The following SLC6A5 variants were observed in gnomAD, a reference collection of about 807,000 sequenced individuals.
SLC6A5 encodes sodium- and chloride-dependent glycine transporter 2.
A neutral mutation model predicts 90.5 loss-of-function variants in SLC6A5; 58 were observed. That is an observed-to-expected ratio of 0.64 (90% CI 0.52 to 0.80). The LOEUF is 0.80. Among genes scored for constraint, SLC6A5 ranks in the 30% least tolerant of loss-of-function variants. SLC6A5 has a pLI of 0.00. For missense variants in SLC6A5, 1,015 were observed against 1,017.6 expected (o/e 1.00, Z 0.03); for synonymous variants, 427 against 401.4 (o/e 1.06, Z -0.76).
intron 10 of SLC6A5, among the ~76,000 whole-genome samples, chr11:20,631,972 G>C (rs1853117433): frequency 6.6e-6 from 1 of 152,146 alleles, no homozygotes; most frequent in Non-Finnish European, 1.5e-5. Flanking sequence ...CACTTTCCAG[G>C]GGTGCAATTA....
At chr11:20,652,079 A>G (rs538161232) in intron 14 of SLC6A5, among the ~76,000 whole-genome samples, 210 of 152,302 alleles carry the variant, frequency 1.4e-3, no homozygotes, top group South Asian at 2.7e-3. Context: ...ATGGTTTGGC[A>G]AATGCAGAGT....
At chr11:20,644,551 T>G (rs1853373380) in intron 13 of SLC6A5, among the ~76,000 whole-genome samples, 1 of 152,254 alleles carries the variant, frequency 6.6e-6, no homozygotes, top group Non-Finnish European at 1.5e-5. Context: ...TTGGACATAC[T>G]GATGTCACAT....
At position 20,632,066 on chromosome 11, in the gene SLC6A5, G is replaced by A. The variant is rs1437640677; in HGVS notation, c.1624+1251G>A. On this transcript the variant is annotated intron_variant, in intron 10 of 15. Transcript: ENST00000525748. Reference sequence around the variant, plus strand: ...AAATTAGAGGGGCCCCAGGAGATAAGCAATGGCTCTCCCTGGTTGAGAATT... The same window carrying A: ...AAATTAGAGGGGCCCCAGGAGATAAACAATGGCTCTCCCTGGTTGAGAATT... Among the ~76,000 whole-genome samples the A allele has an allele frequency of 2.6e-5, 4 of 152,182 alleles. No individual in the cohort carries two copies. In the East Asian group the frequency reaches 7.7e-4, roughly 29 times the overall value.
chr11:20,636,504 A>AG, intron 11 of SLC6A5, 85 bp downstream of exon 11: 1 of 846,054 alleles, frequency 1.2e-6, no homozygotes, highest in East Asian at 2.5e-5. Flanking sequence ...CCTTCAGGAG[A>AG]GGGGTAGGCT....
chr11:20,627,353 AC>A (rs1220209931), intron 8 of SLC6A5, among the ~76,000 whole-genome samples: 2 of 152,200 alleles, frequency 1.3e-5, no homozygotes, highest in Admixed American at 6.5e-5. Flanking sequence ...CAATTCAAAA[AC>A]TACAAATGAG....
rs185146622 is a variant in SLC6A5 at position 20,603,261 on chromosome 11, G to A, written c.541-1025G>A. The stretch of plus-strand genomic sequence containing the variant: ...GTGTGTTGGCCTGAGTGCCTGGAAA[G>A]CTTTGTGCAGTGTCTAGGTGTCCTG... On this transcript the variant is annotated intron_variant, in intron 2 of 15. Coordinates refer to ENST00000525748, the MANE Select transcript of SLC6A5 (RefSeq NM_004211.5). 9.9e-5 allele frequency among the ~76,000 whole-genome samples: 15 copies of A among 152,212 alleles called. No individual in the cohort carries two copies. In the East Asian group the frequency reaches 1.4e-3, roughly 14 times the overall value.
At chr11:20,651,389 T>G (rs1262142251) in intron 14 of SLC6A5, among the ~76,000 whole-genome samples, 1 of 150,790 alleles carries the variant, frequency 6.6e-6, no homozygotes, top group Admixed American at 6.6e-5. Flanking sequence ...TTCTCCTGCC[T>G]CAGCCTCCCA....
intron 13 of SLC6A5, among the ~76,000 whole-genome samples, chr11:20,646,624 A>G (rs903026421): frequency 3.3e-5 from 5 of 152,158 alleles, no homozygotes; most frequent in Non-Finnish European, 5.9e-5. Flanking sequence ...AGCATATTTA[A>G]TATCTATTTA....
rs1203753413 is a variant in SLC6A5, at chr11:20,656,313, A to AT, written c.*1449dup. On this transcript the variant is annotated 3_prime_UTR_variant, in exon 16 of 16. Transcript: ENST00000525748. ...GAGTTTAGTATAGTGTAGTCTGGGG[A>AT]TTTTATTTTCCCTTACAGTAATAAT... 1 of 151,972 alleles carries AT rather than the reference A, an allele frequency of 6.6e-6. No individual in the cohort carries two copies. The highest frequency in any genetic ancestry group is 1.5e-5 in the Non-Finnish European group (1 of 67,976). The allele number at this position is 151,972 out of a possible 1,614,324, so 9.4% of individuals were successfully genotyped here. A position where few individuals can be genotyped will look rare whatever the true frequency, so the allele number is the denominator to read the frequency against.
intron 14 of SLC6A5, among the ~76,000 whole-genome samples, chr11:20,647,327 A>G (rs1309532888): frequency 3.9e-5 from 2 of 51,330 alleles, no homozygotes; most frequent in African/African-American, 4.5e-5. Context: ...ATATAGTTAT[A>G]TATATAACTA....
intron 5 of SLC6A5, among the ~76,000 whole-genome samples, chr11:20,608,950 C>CTGTG (rs1852639975): frequency 1.2e-5 from 1 of 81,066 alleles, no homozygotes; most frequent in Non-Finnish European, 2.6e-5. Flanking sequence ...CTCTCTCTCT[C>CTGTG]TCTCTCTCTG....
At position 20,646,887 on chromosome 11, in the gene SLC6A5, A is replaced by G. The variant is rs780454469; in HGVS notation, c.2023A>G (p.Ile675Val). 1.2e-6 allele frequency: 2 copies of G among 1,613,898 alleles called. No homozygotes were observed. The highest frequency in any genetic ancestry group is 3.3e-5 in the Admixed American group (2 of 60,002). ...GATGATGATTGGATTCCAGCCTAACATCTTCTGGAAAGTCTGCTGGGCATT... is the reference window on the plus strand; with the variant it reads ...GATGATGATTGGATTCCAGCCTAACGTCTTCTGGAAAGTCTGCTGGGCATT... ...IEMMIGFQPN[I>V]FWKVCWAFVT... Residue 675 changes from isoleucine (I) to valine (V), a missense_variant, in exon 14 of 16, where the codon ATC (isoleucine) becomes GTC (valine). Ile to Val is a conservative substitution (Grantham distance 29). This residue lies in a region of SLC6A5 where 442 missense variants were observed against 494.3 expected (regional missense o/e 0.89). Coordinates refer to ENST00000525748, the MANE Select transcript of SLC6A5 (RefSeq NM_004211.5).
chr11:20,609,144 A>G (rs1331530968), intron 5 of SLC6A5, among the ~76,000 whole-genome samples: 1 of 152,154 alleles, frequency 6.6e-6, no homozygotes, highest in Non-Finnish European at 1.5e-5. Context: ...GCTCCTACTC[A>G]TCTGGTACAA....
intron 7 of SLC6A5, among the ~76,000 whole-genome samples, chr11:20,622,291 T>TA (rs1192798675): frequency 6.6e-6 from 1 of 152,144 alleles, no homozygotes; most frequent in African/African-American, 2.4e-5. Context: ...GATCACCACC[T>TA]AAAAAATGAA....
Position 20,617,739 on chromosome 11 carries a change from C to T in SLC6A5, c.1128-13C>T, listed in dbSNP as rs777988788. The T allele has an allele frequency of 1.2e-6, 2 of 1,613,244 alleles. No individual in the cohort carries two copies. The highest frequency in any genetic ancestry group is 1.1e-5 in the South Asian group (1 of 91,034). ...TTTCTATCACTCCCCCCATCCCTCCCTCCAACTCTCAGGTACTTTGTGCTG... is the reference window on the plus strand; with the variant it reads ...TTTCTATCACTCCCCCCATCCCTCCTTCCAACTCTCAGGTACTTTGTGCTG... On this transcript the variant is annotated splice_polypyrimidine_tract_variant and intron_variant, in intron 6 of 15. Transcript: ENST00000525748.
chr11:20,615,872 T>C (rs1852775884), intron 6 of SLC6A5, among the ~76,000 whole-genome samples: 1 of 152,226 alleles, frequency 6.6e-6, no homozygotes, highest in Non-Finnish European at 1.5e-5. Context: ...GCCTGTCGCA[T>C]GTAAGGAAAG....
chr11:20,601,525 G>GT lies in SLC6A5; in HGVS notation c.401dup (p.Ser135GlufsTer53). ...GCGAGGCCCGGAGGGGGATGCGAAC[G>GT]TGAGTGTGGGCAAGGGCACCCTGGA... On this transcript the variant is annotated frameshift_variant, in exon 2 of 16. Transcript: ENST00000525748. LOFTEE classifies it high-confidence loss of function. 1.2e-6 allele frequency: 2 copies of GT among 1,614,170 alleles called. No homozygotes were observed. The highest frequency in any genetic ancestry group is 2.2e-5 in the South Asian group (2 of 91,082).
chr11:20,628,150 C>G, intron 9 of SLC6A5, 67 bp downstream of exon 9: 1 of 1,272,264 alleles, frequency 7.9e-7, no homozygotes, highest in South Asian at 1.2e-5. Flanking sequence ...ACTGAGTTAT[C>G]AGACACCTGA....
chr11:20,624,992 A>T (rs533642511), intron 7 of SLC6A5, among the ~76,000 whole-genome samples: 1 of 152,292 alleles, frequency 6.6e-6, no homozygotes, highest in Admixed American at 6.5e-5. Context: ...TGAGGGTCAG[A>T]GACTCAGAGA....
Sources: allele counts gnomAD v4.1 joint callset (sites outside exome capture counted in the v4.1 genomes callset), GRCh38; gene constraint gnomAD v4.1.1; regional missense constraint gnomAD v4.1.1; transcripts MANE v1.5; gene names NCBI Gene and HGNC (gene_info 2026-07-23, HGNC 2026-07-21).